Variants in PCDH15 observed in about 807,000 individuals in gnomAD.
PCDH15 encodes protocadherin-15.
Under a neutral mutation model 178.5 loss-of-function variants are expected in PCDH15, and 129 were observed. The observed-to-expected ratio is 0.72, with a 90% CI of 0.63 to 0.84. The LOEUF (loss-of-function observed/expected upper bound fraction) is 0.84, where lower values mean the gene tolerates loss of function less well. PCDH15 is among the 40% of genes least tolerant of loss of function. PCDH15 has a pLI of 0.00. For synonymous variants in PCDH15, 800 were observed against 732.0 expected (o/e 1.09, Z -1.50); for missense variants, 2,230 against 2,099.9 (o/e 1.06, Z -1.21).
chr10:55,427,467 T>C (rs1838784444), intron 2 of PCDH15, among the ~76,000 whole-genome samples: 1 of 152,190 alleles, frequency 6.6e-6, no homozygotes, highest in Non-Finnish European at 1.5e-5. Context: ...ATTCCCTCCA[T>C]TCAAGGGCTA....
At chr10:54,984,903 G>A (rs1174637577) in intron 2 of PCDH15, among the ~76,000 whole-genome samples, 1 of 152,128 alleles carries the variant, frequency 6.6e-6, no homozygotes, top group Non-Finnish European at 1.5e-5. Flanking sequence ...AGTCTCTTCT[G>A]AAGTCTTCTC....
At chr10:55,022,130 A>G (rs1202944745) in intron 2 of PCDH15, among the ~76,000 whole-genome samples, 1 of 152,120 alleles carries the variant, frequency 6.6e-6, no homozygotes, top group Non-Finnish European at 1.5e-5. Context: ...CAGCAAGGTA[A>G]CTATAATTAA....
At chr10:55,436,666 GAAA>G (rs1839046892) in intron 2 of PCDH15, among the ~76,000 whole-genome samples, 1 of 151,934 alleles carries the variant, frequency 6.6e-6, no homozygotes, top group Admixed American at 6.6e-5. Flanking sequence ...GTTTATACAA[GAAA>G]ATAAATCTAC....
intron 21 of PCDH15, among the ~76,000 whole-genome samples, chr10:53,970,711 C>A (rs1256123880): frequency 1.3e-5 from 2 of 152,068 alleles, no homozygotes; most frequent in Non-Finnish European, 2.9e-5. Context: ...AATTCCTGGA[C>A]ACATACACCC....
At chr10:55,169,825 T>C (rs1839283303) in intron 1 of PCDH15, among the ~76,000 whole-genome samples, 1 of 152,152 alleles carries the variant, frequency 6.6e-6, no homozygotes, top group Non-Finnish European at 1.5e-5. Flanking sequence ...ATTAGTATAA[T>C]TAATTGAATT....
intron 1 of PCDH15, among the ~76,000 whole-genome samples, chr10:54,730,407 G>T (rs1159174978): frequency 2.0e-5 from 3 of 151,532 alleles, no homozygotes; most frequent in African/African-American, 7.3e-5. Flanking sequence ...GAGGGTAGAG[G>T]GTGGGAGTTG....
chr10:53,825,270 CAAAA>C (rs11331853), intron 32 of PCDH15: 1 of 1,050,660 alleles, frequency 9.5e-7, no homozygotes, highest in Non-Finnish European at 1.3e-6. Flanking sequence ...GTACGTATAT[CAAAA>C]AAAAGGCATG....
chr10:54,762,730 G>A (rs1157677897), intron 1 of PCDH15, among the ~76,000 whole-genome samples: 2 of 151,896 alleles, frequency 1.3e-5, no homozygotes, highest in African/African-American at 4.8e-5. Context: ...ATTTTAAATT[G>A]AACATTTATG....
intron 2 of PCDH15, among the ~76,000 whole-genome samples, chr10:55,029,088 T>C (rs1840547266): frequency 1.3e-5 from 2 of 152,008 alleles, no homozygotes; most frequent in Admixed American, 1.3e-4. Flanking sequence ...TTGCTGTAAG[T>C]TGCCCTGTAC....
chr10:55,149,752 CT>C (rs2132099532), intron 2 of PCDH15, among the ~76,000 whole-genome samples: 2 of 151,992 alleles, frequency 1.3e-5, no homozygotes, highest in Admixed American at 1.3e-4. Context: ...AGACGTCAAC[CT>C]TTTTTTGAGC....
intron 2 of PCDH15, among the ~76,000 whole-genome samples, chr10:55,578,050 C>A (rs1842529463): frequency 6.6e-6 from 1 of 151,870 alleles, no homozygotes; most frequent in Non-Finnish European, 1.5e-5. Context: ...ATTTGTTTAA[C>A]CTTAAGAACC....
At chr10:54,698,356 C>T (rs975759333) in intron 1 of PCDH15, among the ~76,000 whole-genome samples, 1 of 152,104 alleles carries the variant, frequency 6.6e-6, no homozygotes, top group Non-Finnish European at 1.5e-5. Context: ...AAGACTGGCA[C>T]ATTTTGACAG....
chr10:53,902,665 G>A (rs1214555854), intron 26 of PCDH15, among the ~76,000 whole-genome samples: 1 of 151,948 alleles, frequency 6.6e-6, no homozygotes, highest in African/African-American at 2.4e-5. Context: ...ATAAACATTT[G>A]ATGATAAATA....
intron 25 of PCDH15, among the ~76,000 whole-genome samples, chr10:53,913,817 T>G (rs1174418485): frequency 6.7e-6 from 1 of 149,660 alleles, no homozygotes; most frequent in East Asian, 2.0e-4. Context: ...ACCATCAGAG[T>G]GAACAGGCAA....
intron 32 of PCDH15, chr10:53,823,068 G>A (rs760975605): frequency 1.2e-6 from 2 of 1,613,994 alleles, no homozygotes; most frequent in Non-Finnish European, 1.7e-6. Flanking sequence ...TATTTTGGGT[G>A]AAAATGGGTC....
chr10:54,058,698 C>CTTTT (rs58250372), intron 18 of PCDH15, among the ~76,000 whole-genome samples: 2 of 133,306 alleles, frequency 1.5e-5, no homozygotes, highest in African/African-American at 5.5e-5. Context: ...TTCTTTCTTT[C>CTTTT]TTTTTTTTTT....
rs575828408 is a variant in PCDH15 at position 55,053,187 on chromosome 10, C to G, written c.-80+113389G>C. 3.3e-5 allele frequency among the ~76,000 whole-genome samples: 5 copies of G among 152,200 alleles called. No homozygotes were observed. In the South Asian group the frequency reaches 1.0e-3, roughly 32 times the overall value. On this transcript the variant is annotated intron_variant, in intron 2 of 5. Coordinates refer to the PCDH15 transcript ENST00000458638. Reference sequence around the variant, plus strand: ...AATCTTTCAACATGATTTTTTTATTCAAGACCTCACATTTGACTGTCAGCC... The same window carrying G: ...AATCTTTCAACATGATTTTTTTATTGAAGACCTCACATTTGACTGTCAGCC...
intron 1 of PCDH15, among the ~76,000 whole-genome samples, chr10:55,300,756 A>AT (rs1429423374): frequency 6.6e-6 from 1 of 152,190 alleles, no homozygotes; most frequent in African/African-American, 2.4e-5. Context: ...AGCCAGTCTG[A>AT]TTTTTTAAAT....
chr10:54,090,002 A>G lies in PCDH15; in HGVS notation c.1979T>C (p.Val660Ala). The change falls in exon 16 of 38, where the codon GTT becomes GCT. Residue 660 changes from valine (V) to alanine (A), a missense_variant. By Grantham distance (64) the Val-to-Ala change is moderately conservative. Transcript: ENST00000644397. ...YAIENGDPQRVFNLSETTGIL... is the reference protein window; with the variant it reads ...YAIENGDPQRAFNLSETTGIL... ...AACTTACGTTTCTGAAAGATTAAAA[A>G]CTCTCTGAGGATCTCCATTCTCAAT... 1.2e-6 allele frequency: 2 copies of G among 1,610,884 alleles called. No individual in the cohort carries two copies.
Sources: allele counts gnomAD v4.1 joint callset (sites outside exome capture counted in the v4.1 genomes callset), GRCh38; gene constraint gnomAD v4.1.1; transcripts MANE v1.5; gene names NCBI Gene and HGNC (gene_info 2026-07-23, HGNC 2026-07-21).